The following PTPRD variants were observed in gnomAD, a reference collection of about 807,000 sequenced individuals.
The protein encoded by PTPRD is receptor-type tyrosine-protein phosphatase delta.
In PTPRD, 34 loss-of-function variants were observed where a neutral mutation model predicts 214.5. That is an observed-to-expected ratio of 0.16 (90% CI 0.12 to 0.21). The LOEUF (loss-of-function observed/expected upper bound fraction) is 0.21, where lower values mean the gene tolerates loss of function less well. Among genes scored for constraint, PTPRD ranks in the 10% least tolerant of loss-of-function variants. PTPRD has a pLI of 1.00. For missense variants in PTPRD, 2,545 were observed against 2,398.7 expected, an observed-to-expected ratio of 1.06 and a Z score of -1.27; for synonymous variants, 1,128 against 845.7, an observed-to-expected ratio of 1.33 and a Z score of -5.79.
chr9:9,292,463 CT>C (rs1462260575), intron 9 of PTPRD, among the ~76,000 whole-genome samples: 1 of 151,180 alleles, frequency 6.6e-6, no homozygotes, highest in Non-Finnish European at 1.5e-5. Flanking sequence ...TTTAAATAAA[CT>C]TTATATTTTA....
chr9:9,344,155 C>G (rs1474023863), intron 9 of PTPRD, among the ~76,000 whole-genome samples: 2 of 152,072 alleles, frequency 1.3e-5, no homozygotes, highest in African/African-American at 4.8e-5. Context: ...GTTAACTCAT[C>G]TTTTTGTTCA....
At chr9:8,680,583 C>A (rs185605361) in intron 12 of PTPRD, among the ~76,000 whole-genome samples, 2 of 152,226 alleles carry the variant, frequency 1.3e-5, no homozygotes, top group African/African-American at 2.4e-5. Flanking sequence ...TACACACAAA[C>A]ATAATGTACG....
chr9:9,595,551 TG>T (rs2093269746), intron 7 of PTPRD, among the ~76,000 whole-genome samples: 1 of 2,150 alleles, frequency 4.7e-4, no homozygotes, highest in Non-Finnish European at 7.8e-3. Flanking sequence ...TATGTGTGTT[TG>T]TGTGTGTGTG....
chr9:10,493,376 G>A (rs1353162174), intron 2 of PTPRD, among the ~76,000 whole-genome samples: 3 of 152,070 alleles, frequency 2.0e-5, no homozygotes. Flanking sequence ...AAACAAAACA[G>A]CATGGTACTG....
chr9:8,547,454 G>T (rs967277484), intron 14 of PTPRD, among the ~76,000 whole-genome samples: 1 of 151,884 alleles, frequency 6.6e-6, no homozygotes, highest in Non-Finnish European at 1.5e-5. Flanking sequence ...ACCAGCCTGG[G>T]TAACATGGTG....
intron 2 of PTPRD, among the ~76,000 whole-genome samples, chr9:10,529,334 G>C (rs535960364): frequency 1.3e-5 from 2 of 152,064 alleles, no homozygotes; most frequent in African/African-American, 4.8e-5. Flanking sequence ...GCCCATCAAG[G>C]TTAGACTGGA....
intron 5 of PTPRD, among the ~76,000 whole-genome samples, chr9:9,770,517 G>C (rs974725359): frequency 1.3e-4 from 20 of 152,002 alleles, no homozygotes; most frequent in Admixed American, 1.1e-3. Flanking sequence ...ACTAATCCTT[G>C]AACACAGTAT....
intron 37 of PTPRD, among the ~76,000 whole-genome samples, chr9:8,381,486 T>C (rs1453621339): frequency 6.6e-6 from 1 of 152,148 alleles, no homozygotes; most frequent in Non-Finnish European, 1.5e-5. Context: ...CAATCAATAT[T>C]TGGCTATATC....
intron 10 of PTPRD, among the ~76,000 whole-genome samples, chr9:9,040,623 G>A (rs1463975896): frequency 6.6e-6 from 1 of 151,948 alleles, no homozygotes. Flanking sequence ...TGATTTAAAT[G>A]TTGTACTTTG....
chr9:9,102,736 C>A (rs1174065587), intron 10 of PTPRD, among the ~76,000 whole-genome samples: 1 of 151,998 alleles, frequency 6.6e-6, no homozygotes, highest in Non-Finnish European at 1.5e-5. Flanking sequence ...TATAAGTGAC[C>A]CTGATTTCAC....
intron 10 of PTPRD, among the ~76,000 whole-genome samples, chr9:9,060,638 G>A (rs1294666060): frequency 1.3e-5 from 2 of 151,562 alleles, no homozygotes; most frequent in African/African-American, 2.4e-5. Context: ...GATATCCTAG[G>A]AATAACTTAG....
chr9:9,472,393 C>A (rs1338201025), intron 8 of PTPRD, among the ~76,000 whole-genome samples: 12 of 151,482 alleles, frequency 7.9e-5, no homozygotes, highest in Admixed American at 7.9e-4. Flanking sequence ...TTAGTAGAGA[C>A]GGGGTTTCAC....
chr9:8,610,202 T>C (rs1287447439), intron 14 of PTPRD, among the ~76,000 whole-genome samples: 1 of 152,230 alleles, frequency 6.6e-6, no homozygotes, highest in Non-Finnish European at 1.5e-5. Context: ...TGAACTGCAG[T>C]GCACCCATCT....
intron 4 of PTPRD, among the ~76,000 whole-genome samples, chr9:9,960,802 A>C (rs989325538): frequency 6.6e-6 from 1 of 152,186 alleles, no homozygotes; most frequent in Non-Finnish European, 1.5e-5. Context: ...ACATTTATTA[A>C]AAACAAAGAA....
intron 14 of PTPRD, among the ~76,000 whole-genome samples, chr9:8,617,953 C>A (rs1195741243): frequency 6.6e-6 from 1 of 152,064 alleles, no homozygotes; most frequent in Non-Finnish European, 1.5e-5. Context: ...AAATCACTAA[C>A]TTTGAAACTG....
chr9:8,605,274 C>T (rs182407619), intron 14 of PTPRD, among the ~76,000 whole-genome samples: 181 of 152,232 alleles, frequency 1.2e-3, no homozygotes, highest in African/African-American at 4.2e-3. Context: ...ATGTAAGCTG[C>T]AAGTGCTAAG....
intron 11 of PTPRD, among the ~76,000 whole-genome samples, chr9:8,764,488 T>C (rs2094584952): frequency 6.6e-6 from 1 of 152,056 alleles, no homozygotes; most frequent in Non-Finnish European, 1.5e-5. Context: ...CGGACCATTA[T>C]GGGACACTCT....
At chr9:9,555,633 T>A (rs1178146543) in intron 8 of PTPRD, among the ~76,000 whole-genome samples, 1 of 152,094 alleles carries the variant, frequency 6.6e-6, no homozygotes, top group East Asian at 1.9e-4. Flanking sequence ...TAGGCTAAGT[T>A]CAATATGTTG....
chr9:9,174,540 T>G (rs1303464899), intron 10 of PTPRD, among the ~76,000 whole-genome samples: 4 of 152,146 alleles, frequency 2.6e-5, no homozygotes, highest in Admixed American at 1.3e-4. Context: ...GTGATTGAGG[T>G]GAAGATAGTA....
Sources: gnomAD v4.1 joint callset for allele counts (sites outside exome capture counted in the v4.1 genomes callset) on GRCh38, gnomAD v4.1.1 for gene constraint, MANE v1.5 for transcripts, NCBI Gene and HGNC (gene_info 2026-07-23, HGNC 2026-07-21) for gene names.